LARGE1: variants seen among roughly 807,000 people sequenced by gnomAD.
LARGE1 encodes the protein LARGE xylosyl- and glucuronyltransferase 1, also known as xylosyl- and glucuronyltransferase LARGE1.
LARGE1 carries 43 observed loss-of-function variants against 87.6 expected under a neutral mutation model. The observed-to-expected ratio is 0.49, with a 90% CI of 0.38 to 0.63. The LOEUF is 0.63. Ranked by LOEUF, LARGE1 falls within the 30% of genes least tolerant of loss-of-function variation. The pLI is 0.00. For synonymous variants in LARGE1, 434 were observed against 394.6 expected, an observed-to-expected ratio of 1.10 and a Z score of -1.18; for missense variants, 802 against 1,000.2, an observed-to-expected ratio of 0.80 and a Z score of 2.67.
At chr22:33,618,165 G>GA (rs1227023582) in intron 4 of LARGE1, among the ~76,000 whole-genome samples, 6 of 152,308 alleles carry the variant, frequency 3.9e-5, no homozygotes, top group Non-Finnish European at 5.9e-5. Flanking sequence ...CAGCCAGAAT[G>GA]AGAGTTTTTC....
At chr22:33,487,617 G>A (rs1359920967) in intron 6 of LARGE1, among the ~76,000 whole-genome samples, 1 of 152,142 alleles carries the variant, frequency 6.6e-6, no homozygotes, top group Admixed American at 6.5e-5. Flanking sequence ...CAAGAAAGAC[G>A]AAGAACCTGC....
At position 33,452,028 on chromosome 22, in the gene LARGE1, T is replaced by A. The variant is rs554552428; in HGVS notation, c.788-19763A>T. ...GTCAGAGATCGCATTCCAACCCGAA[T>A]CTGCTCATCTGTTCATTCAGCTGTT... On this transcript the variant is annotated intron_variant, in intron 6 of 14. Transcript: ENST00000397394. 3.9e-5 allele frequency among the ~76,000 whole-genome samples: 6 copies of A among 152,342 alleles called. No homozygotes were observed. In the East Asian group the frequency reaches 1.2e-3, roughly 29 times the overall value.
intron 11 of LARGE1, among the ~76,000 whole-genome samples, chr22:33,211,017 C>T (rs931086847): frequency 3.3e-5 from 5 of 152,158 alleles, no homozygotes; most frequent in South Asian, 4.2e-4. Flanking sequence ...GCAAGTCTAT[C>T]GGTGCTATTT....
intron 6 of LARGE1, among the ~76,000 whole-genome samples, chr22:33,467,328 T>C (rs533208567): frequency 1.3e-3 from 195 of 152,324 alleles, no homozygotes; most frequent in African/African-American, 4.5e-3. Flanking sequence ...CCAGTGATTA[T>C]TGGCAAAAGT....
At chr22:33,772,656 T>C (rs1015913367) in intron 1 of LARGE1, among the ~76,000 whole-genome samples, 1 of 152,088 alleles carries the variant, frequency 6.6e-6, no homozygotes, top group Non-Finnish European at 1.5e-5. Flanking sequence ...CCCAACTTTG[T>C]CTATCACCGT....
intron 1 of LARGE1, among the ~76,000 whole-genome samples, chr22:33,762,490 C>T (rs1174596716): frequency 5.3e-5 from 8 of 152,110 alleles, no homozygotes; most frequent in Non-Finnish European, 1.2e-4. Flanking sequence ...CCACCACCTC[C>T]ATGTGCATGG....
At chr22:33,103,205 G>A in the LARGE1 span, among the ~76,000 whole-genome samples, 3 of 151,958 alleles carry the variant, frequency 2.0e-5, no homozygotes, top group African/African-American at 7.3e-5. Flanking sequence ...AGGCCGAGAC[G>A]GGCGGATCCC....
At position 33,432,347 on chromosome 22, in the gene LARGE1, T is replaced by C. The variant is rs2067108808; in HGVS notation, c.788-82A>G. ...AGTGACTATTGAAGACACAGGGTAA[T>C]GGCAAATCATCACAACAACAGTATT... On this transcript the variant is annotated intron_variant, in intron 6 of 14. Coordinates refer to ENST00000397394, the MANE Select transcript of LARGE1 (RefSeq NM_133642.5). 3 of 1,001,668 alleles carry C rather than the reference T, an allele frequency of 3.0e-6. No homozygotes were observed. In the South Asian group the frequency reaches 4.0e-5, roughly 13 times the overall value. The allele number at this position is 1,001,668 out of a possible 1,614,324, so 62.0% of individuals were successfully genotyped here. A position where few individuals can be genotyped will look rare whatever the true frequency, so the allele number is the denominator to read the frequency against.
intron 2 of LARGE1, among the ~76,000 whole-genome samples, chr22:33,710,434 C>T (rs1173320219): frequency 6.6e-6 from 1 of 152,148 alleles, no homozygotes; most frequent in Non-Finnish European, 1.5e-5. Context: ...GGGAGCTGAA[C>T]AAGTTAGGAA....
At chr22:33,577,251 T>C (rs549950603) in intron 5 of LARGE1, among the ~76,000 whole-genome samples, 12 of 152,166 alleles carry the variant, frequency 7.9e-5, no homozygotes, top group African/African-American at 2.9e-4. Flanking sequence ...AAATAAAAAG[T>C]ATAAAAAGGC....
chr22:33,796,847 C>A (rs1443263488), intron 1 of LARGE1, among the ~76,000 whole-genome samples: 2 of 150,104 alleles, frequency 1.3e-5, no homozygotes, highest in African/African-American at 2.5e-5. Flanking sequence ...TCACTGCAGC[C>A]TCCGCCTCCC....
intron 6 of LARGE1, among the ~76,000 whole-genome samples, chr22:33,488,851 C>T (rs1021042366): frequency 2.6e-5 from 4 of 152,176 alleles, no homozygotes; most frequent in Non-Finnish European, 5.9e-5. Context: ...CTCCCTGGGG[C>T]CACACCAAAT....
chr22:33,120,382 CTTTCTT>C, the LARGE1 span, among the ~76,000 whole-genome samples: 1 of 93,022 alleles, frequency 1.1e-5, no homozygotes, highest in Admixed American at 9.4e-5. Context: ...TTCTTTCTTT[CTTTCTT>C]TCTTTCTTTC....
chr22:33,659,839 AT>A (rs540904440), intron 2 of LARGE1, among the ~76,000 whole-genome samples: 16 of 151,836 alleles, frequency 1.1e-4, no homozygotes, highest in Admixed American at 3.3e-4. Context: ...TCACTGCACC[AT>A]AATAGGCTGA....
intron 7 of LARGE1, among the ~76,000 whole-genome samples, chr22:33,400,485 C>T (rs1312872481): frequency 1.3e-5 from 2 of 152,120 alleles, no homozygotes; most frequent in Admixed American, 1.3e-4. Context: ...ATCTGCTGGC[C>T]AGTTTGTTGG....
At chr22:33,346,680 T>A (rs115550538) in intron 9 of LARGE1, among the ~76,000 whole-genome samples, 3 of 152,132 alleles carry the variant, frequency 2.0e-5, no homozygotes, top group African/African-American at 7.2e-5. Flanking sequence ...AAGCTTTTCC[T>A]GAACACTCAC....
At chr22:33,279,210 G>A (rs1929965130) in intron 13 of LARGE1, among the ~76,000 whole-genome samples, 1 of 152,184 alleles carries the variant, frequency 6.6e-6, no homozygotes, top group African/African-American at 2.4e-5. Flanking sequence ...TGGGCATCTA[G>A]TGAAGGACTA....
chr22:33,698,405 A>G (rs1477061187), intron 2 of LARGE1, among the ~76,000 whole-genome samples: 1 of 150,552 alleles, frequency 6.6e-6, no homozygotes, highest in African/African-American at 2.5e-5. Context: ...GTTTCAAGCG[A>G]TTCTCTTGCC....
the LARGE1 span, among the ~76,000 whole-genome samples, chr22:33,104,181 C>T: frequency 6.6e-6 from 1 of 152,158 alleles, no homozygotes; most frequent in Non-Finnish European, 1.5e-5. Flanking sequence ...CAGAACCCAG[C>T]AATGCTGTTG....
Sources: gnomAD v4.1 joint callset for allele counts (sites outside exome capture counted in the v4.1 genomes callset) on GRCh38, gnomAD v4.1.1 for gene constraint, MANE v1.5 for transcripts, NCBI Gene and HGNC (gene_info 2026-07-23, HGNC 2026-07-21) for gene names.